Variants in NARF observed in about 807,000 individuals in gnomAD.
NARF encodes nuclear prelamin A recognition factor.
A neutral mutation model predicts 48.0 loss-of-function variants in NARF; 41 were observed. That is an observed-to-expected ratio of 0.85 (90% confidence interval 0.66 to 1.11). The LOEUF (loss-of-function observed/expected upper bound fraction) is 1.11, where lower values mean the gene tolerates loss of function less well. NARF is among the 50% of genes least tolerant of loss of function. NARF has a pLI of 0.00. For missense variants in NARF, 613 were observed against 590.2 expected (o/e 1.04, Z -0.40); for synonymous variants, 215 against 225.5 (o/e 0.95, Z 0.42).
intron 3 of NARF, among the ~76,000 whole-genome samples, chr17:82,467,009 T>C (rs955350938): frequency 1.0e-4 from 15 of 148,754 alleles, no homozygotes; most frequent in East Asian, 2.0e-4. Context: ...TTTTTTTTTT[T>C]CCCCATTACT....
At chr17:82,477,378 C>T (rs1322364790) in intron 5 of NARF, among the ~76,000 whole-genome samples, 2 of 151,914 alleles carry the variant, frequency 1.3e-5, no homozygotes, top group Non-Finnish European at 2.9e-5. Context: ...GTGGCGCACA[C>T]TTGTAGTCCC....
intron 5 of NARF, among the ~76,000 whole-genome samples, chr17:82,475,968 A>G (rs1298481141): frequency 6.6e-6 from 1 of 152,148 alleles, no homozygotes; most frequent in East Asian, 1.9e-4. Flanking sequence ...ATTTCTCAAC[A>G]TAAGCTCCAT....
intron 1 of NARF, chr17:82,459,219 G>C: frequency 9.8e-7 from 1 of 1,021,416 alleles, no homozygotes; most frequent in South Asian, 4.6e-5. Flanking sequence ...AGCAGCCGGT[G>C]CAGGGGCGGA....
At position 82,487,496 on chromosome 17, in the gene NARF, A is replaced by G. The variant is rs1391271737; in HGVS notation, c.1130-420A>G. Among the ~76,000 whole-genome samples, 9 of 148,422 alleles carry G rather than the reference A, an allele frequency of 6.1e-5. No homozygotes were observed. The East Asian group carries it at 6.1e-4, about 10-fold the overall frequency. ...GAGACTCTGTCTCGAAAAAAAAAAA[A>G]AAGAAGAATGAGAGGCACACGGGGC... On this transcript the variant is annotated intron_variant, in intron 10 of 10. Transcript: ENST00000309794.
chr17:82,487,788 C>CCAAAGA, intron 10 of NARF, 128 bp from the exon 11 acceptor site: 6 of 759,772 alleles, frequency 7.9e-6, no homozygotes, highest in East Asian at 3.4e-5. Context: ...CCCTCCCGCC[C>CCAAAGA]AATCTCTACA....
chr17:82,464,739 G>A lies in NARF; in HGVS notation c.252+309G>A, dbSNP rs145581697. On this transcript the variant is annotated intron_variant, in intron 3 of 10. Coordinates refer to ENST00000309794, the MANE Select transcript of NARF (RefSeq NM_012336.4). ...GTAACACGGGTGTTGGTGATCATGC[G>A]GGCAGCACAGAGCCGGAGCTCCTGC... Among the ~76,000 whole-genome samples the A allele has an allele frequency of 9.4e-3, 1,431 of 152,298 alleles. 18 individuals carry two copies. Among genetic ancestry groups the A allele is most frequent in the Non-Finnish European group, 0.011 (763 of 68,028 alleles).
chr17:82,478,317 G>A (rs2043880649), intron 5 of NARF, among the ~76,000 whole-genome samples: 1 of 152,216 alleles, frequency 6.6e-6, no homozygotes, highest in Non-Finnish European at 1.5e-5. Flanking sequence ...GAGGAGTATA[G>A]ATTTCTTATA....
At chr17:82,470,321 G>A (rs1291362447) in intron 4 of NARF, among the ~76,000 whole-genome samples, 1 of 152,028 alleles carries the variant, frequency 6.6e-6, no homozygotes. Context: ...ATAAAGCCTC[G>A]GGTTAGGTTA....
Position 82,482,406 on chromosome 17 carries a change from T to A in NARF, c.769+1195T>A, listed in dbSNP as rs2043986059. 6.3e-5 allele frequency: 5 copies of A among 79,924 alleles called. 1 individual carries two copies. The South Asian group carries it at 7.1e-4, about 11-fold the overall frequency. The allele number at this position is 79,924 out of a possible 1,614,324, so 5.0% of individuals were successfully genotyped here. A position where few individuals can be genotyped will look rare whatever the true frequency, so the allele number is the denominator to read the frequency against. On this transcript the variant is annotated intron_variant, in intron 7 of 10. Transcript: ENST00000309794. The stretch of plus-strand genomic sequence containing the variant: ...GAGGAAGGGCCCAGGGGCCATCTGC[T>A]TACGTTGACAAAATAAAACATGCGC...
At chr17:82,459,070 G>T in intron 1 of NARF, 2 of 1,200,318 alleles carry the variant, frequency 1.7e-6, no homozygotes, top group Non-Finnish European at 2.1e-6. Context: ...CCACGCCCGC[G>T]AAGCGCGGAA....
intron 5 of NARF, chr17:82,476,542 C>G (rs1248004641): frequency 6.6e-6 from 1 of 152,504 alleles, no homozygotes; most frequent in Non-Finnish European, 1.5e-5. Context: ...CTCCTGGGTT[C>G]AAGCGATTCT....
At chr17:82,478,512 C>G in intron 5 of NARF, 1 of 500,542 alleles carries the variant, frequency 2.0e-6, no homozygotes, top group Non-Finnish European at 3.9e-6. Context: ...GTGCTTGTTC[C>G]CCTTCACCTT....
In NARF at chr17:82,481,094, GAGA is replaced by G; in HGVS notation, c.656_658del (p.Lys219del). 6.2e-7 allele frequency: 1 copy of G among 1,614,138 alleles called. No individual in the cohort carries two copies. The highest frequency in any genetic ancestry group is 8.5e-7 in the Non-Finnish European group (1 of 1,180,022). On this transcript the variant is annotated inframe_deletion, in exon 7 of 11. Transcript: ENST00000309794. ...CCCTCTCCCACAGAACCTGTCTCCA[GAGA>G]AGATTTTCCACGTCATTGTGGCCCC...
chr17:82,468,952 T>C (rs1220086956), intron 4 of NARF, 56 bp downstream of exon 4: 2 of 1,595,264 alleles, frequency 1.3e-6, no homozygotes, highest in Admixed American at 3.5e-5. Flanking sequence ...AAGCGCCCTT[T>C]TTAATCTCTA....
At position 82,478,886 on chromosome 17, in the gene NARF, T is replaced by G; in HGVS notation, c.607T>G (p.Ser203Ala). The stretch of plus-strand genomic sequence containing the variant: ...CAAGTCCCCCCAGCAGGTCATGGGC[T>G]CTTTGGTGAAGGATTATTTCGCCAG... Reference protein sequence around the residue: ...TAKSPQQVMGSLVKDYFARQQ... With the variant: ...TAKSPQQVMGALVKDYFARQQ... The change falls in exon 6 of 11, where the codon TCT (serine) becomes GCT (alanine). Residue 203 changes from serine (S) to alanine (A), a missense_variant. Physicochemically the swap from Ser to Ala is moderately conservative, Grantham distance 99. Transcript: ENST00000309794. 6.2e-7 allele frequency: 1 copy of G among 1,613,990 alleles called. No homozygotes were observed. Among genetic ancestry groups the G allele is most frequent in the South Asian group, 1.1e-5 (1 of 91,078 alleles).
At chr17:82,461,897 A>G (rs2043448561) in intron 2 of NARF, among the ~76,000 whole-genome samples, 1 of 152,192 alleles carries the variant, frequency 6.6e-6, no homozygotes, top group Non-Finnish European at 1.5e-5. Context: ...TTAGGGAGCA[A>G]CAGGGCCTGA....
intron 4 of NARF, among the ~76,000 whole-genome samples, chr17:82,471,849 T>G (rs1462917860): frequency 6.6e-6 from 1 of 151,518 alleles, no homozygotes; most frequent in Admixed American, 6.6e-5. Context: ...CGTTCTACTT[T>G]TAAACACATC....
intron 3 of NARF, among the ~76,000 whole-genome samples, chr17:82,466,397 T>C (rs1263711958): frequency 6.6e-6 from 1 of 152,196 alleles, no homozygotes; most frequent in Non-Finnish European, 1.5e-5. Flanking sequence ...CTTATGCTGC[T>C]TGTCCAGTCT....
At chr17:82,483,384 A>G (rs2044019120) in intron 7 of NARF, 1 of 321,216 alleles carries the variant, frequency 3.1e-6, no homozygotes, top group Admixed American at 4.8e-5. Context: ...GTTATACACA[A>G]AAGTTTTCTG....
Sources: gnomAD v4.1 joint callset for allele counts (sites outside exome capture counted in the v4.1 genomes callset) on GRCh38, gnomAD v4.1.1 for gene constraint, MANE v1.5 for transcripts, NCBI Gene and HGNC (gene_info 2026-07-23, HGNC 2026-07-21) for gene names.